Variants in PDK3 observed in about 807,000 individuals in gnomAD.
The protein encoded by PDK3 is pyruvate dehydrogenase kinase, isozyme 3.
A neutral mutation model predicts 32.0 loss-of-function variants in PDK3; 12 were observed. The observed-to-expected ratio is 0.37, with a 90% confidence interval of 0.24 to 0.61. PDK3 has a LOEUF of 0.61. Ranked by LOEUF, PDK3 falls within the 20% of genes least tolerant of loss-of-function variation. The pLI is 0.65. For synonymous variants in PDK3, 122 were observed against 116.3 expected (o/e 1.05, Z -0.31); for missense variants, 188 against 316.9 (o/e 0.59, Z 3.09).
chrX:24,487,997 T>A (rs1602106545), intron 1 of PDK3, among the ~76,000 whole-genome samples: 1 of 41,577 alleles, frequency 2.4e-5, no homozygotes. Context: ...AGAGCAAAAC[T>A]CCATCTCAAA....
intron 5 of PDK3, among the ~76,000 whole-genome samples, chrX:24,518,665 T>C (rs150273976): frequency 6.2e-5 from 7 of 112,115 alleles, no homozygotes; most frequent in East Asian, 5.6e-4. Flanking sequence ...GCCTAGGCGA[T>C]AGAGTGAGAC....
chrX:24,529,758 C>CAAAAAA (rs535951847), intron 9 of PDK3, among the ~76,000 whole-genome samples: 1 of 50,524 alleles, frequency 2.0e-5, no homozygotes, highest in Non-Finnish European at 3.4e-5. Context: ...GGCTCTGCCT[C>CAAAAAA]AAAAAAAAAA....
intron 1 of PDK3, among the ~76,000 whole-genome samples, chrX:24,477,494 A>G (rs773698073): frequency 2.9e-4 from 33 of 111,969 alleles, no homozygotes; most frequent in African/African-American, 1.0e-3. Context: ...TACCTGTAAT[A>G]TGGGTAATTC....
intron 1 of PDK3, 46 bp downstream of exon 1, chrX:24,465,607 T>G: frequency 1.0e-6 from 1 of 954,358 alleles, no homozygotes; most frequent in Non-Finnish European, 1.5e-6. Context: ...GCCGCCGCCA[T>G]TCGGGCTGCC....
At chrX:24,493,863 C>T (rs958792870) in intron 1 of PDK3, among the ~76,000 whole-genome samples, 1 of 112,229 alleles carries the variant, frequency 8.9e-6, no homozygotes, top group African/African-American at 3.2e-5. Context: ...TTCTATCAGG[C>T]CCTCCACTCC....
chrX:24,486,142 C>T (rs1921393375), intron 1 of PDK3, among the ~76,000 whole-genome samples: 1 of 111,505 alleles, frequency 9.0e-6, no homozygotes, highest in Admixed American at 9.5e-5. Context: ...CAGGCCCTGG[C>T]TACTTAGCCT....
intron 3 of PDK3, among the ~76,000 whole-genome samples, chrX:24,499,749 G>A (rs1016446829): frequency 6.2e-5 from 7 of 112,133 alleles, no homozygotes; most frequent in Non-Finnish European, 9.4e-5. Context: ...GATTGTGACC[G>A]TTCATAGCAA....
At chrX:24,469,672 G>A in intron 1 of PDK3, among the ~76,000 whole-genome samples, 1 of 110,291 alleles carries the variant, frequency 9.1e-6, no homozygotes, top group Non-Finnish European at 1.9e-5. Context: ...CGCACACCTG[G>A]GGTCTTAGCT....
chrX:24,506,847 G>T, intron 5 of PDK3, among the ~76,000 whole-genome samples: 1 of 76,528 alleles, frequency 1.3e-5, no homozygotes, highest in African/African-American at 5.5e-5. Context: ...GTCTCGCTCT[G>T]TCGCCCAGGC....
At chrX:24,536,853 T>C (rs1395454516), downstream of PDK3, among the ~76,000 whole-genome samples, 3 of 111,569 alleles carry the variant, frequency 2.7e-5, no homozygotes, top group African/African-American at 9.8e-5. Context: ...ACACATAGTC[T>C]ATACTCTTTT....
chrX:24,526,205 G>T lies in PDK3; in HGVS notation c.681G>T (p.Ala227=). ...ELEVEEFNAK[A]PDKPIQVVYV... ...TTTTGTCTCTGTTTTCAGCCAAAGC[G>T]CCAGACAAACCTATTCAGGTGGTTT... The change falls in exon 7 of 11, where the codon GCG becomes GCT. Residue 227 remains alanine, a synonymous_variant. Coordinates refer to ENST00000379162, the MANE Select transcript of PDK3 (RefSeq NM_005391.5). The T allele has an allele frequency of 8.3e-7, 1 of 1,203,163 alleles. No homozygotes were observed. The highest frequency in any genetic ancestry group is 1.1e-6 in the Non-Finnish European group (1 of 888,389).
chrX:24,508,165 G>A (rs185646148), intron 5 of PDK3, among the ~76,000 whole-genome samples: 10 of 111,728 alleles, frequency 9.0e-5, no homozygotes, highest in Non-Finnish European at 1.7e-4. Flanking sequence ...ATGGCAGAAG[G>A]GTGAAGGGGA....
chrX:24,502,933 T>C (rs1437076875), intron 3 of PDK3, among the ~76,000 whole-genome samples: 1 of 112,321 alleles, frequency 8.9e-6, no homozygotes, highest in Non-Finnish European at 1.9e-5. Flanking sequence ...AATCAGTCCT[T>C]GGAGATTTTG....
downstream of PDK3, among the ~76,000 whole-genome samples, chrX:24,538,968 A>T (rs1041694784): frequency 1.8e-5 from 2 of 111,992 alleles, no homozygotes; most frequent in Non-Finnish European, 3.8e-5. Flanking sequence ...ATATATAAGT[A>T]ATTAAATGGT....
At chrX:24,504,269 T>C (rs373828983) in intron 4 of PDK3, among the ~76,000 whole-genome samples, 1 of 112,482 alleles carries the variant, frequency 8.9e-6, no homozygotes, top group East Asian at 2.8e-4. Flanking sequence ...TGTGGCCTTA[T>C]ATTAAATGTA....
intron 1 of PDK3, among the ~76,000 whole-genome samples, chrX:24,470,721 A>G (rs1056777798): frequency 9.2e-6 from 1 of 108,992 alleles, no homozygotes; most frequent in Non-Finnish European, 1.9e-5. Flanking sequence ...GAAGAAAAGA[A>G]AAAAAGAAAA....
At position 24,527,311 on chromosome X, in the gene PDK3, GGAAGAA is replaced by G. The variant is rs1055784099; in HGVS notation, c.751-255_751-250del. Among the ~76,000 whole-genome samples the G allele has an allele frequency of 3.7e-5, 4 of 106,677 alleles. No individual in the cohort carries two copies. In the Admixed American group the frequency reaches 4.1e-4, roughly 11 times the overall value. The allele number at this position is 106,677 out of a possible 115,157, so 92.6% of individuals were successfully genotyped here. ...GTAAAGCGAAAAAAAAAAAAAAAGA[GGAAGAA>G]GAAGAAGGAAAGAAAAATAAATATT... On this transcript the variant is annotated intron_variant, in intron 7 of 10. Coordinates refer to ENST00000379162, the MANE Select transcript of PDK3 (RefSeq NM_005391.5).
chrX:24,472,679 T>C (rs1234834676), intron 1 of PDK3, among the ~76,000 whole-genome samples: 4 of 79,095 alleles, frequency 5.1e-5, no homozygotes, highest in Non-Finnish European at 7.1e-5. Context: ...TTCTTTCTTT[T>C]TTTTTTTTTT....
At chrX:24,507,825 C>G in intron 5 of PDK3, among the ~76,000 whole-genome samples, 1 of 90,097 alleles carries the variant, frequency 1.1e-5, no homozygotes, top group Non-Finnish European at 2.4e-5. Context: ...GGAGTGCTAG[C>G]TTTGAGAGAG....
Sources: gnomAD v4.1 joint callset for allele counts (sites outside exome capture counted in the v4.1 genomes callset) on GRCh38, gnomAD v4.1.1 for gene constraint, MANE v1.5 for transcripts, NCBI Gene and HGNC (gene_info 2026-07-23, HGNC 2026-07-21) for gene names.